The following PVT1 variants were observed in gnomAD, a reference collection of about 807,000 sequenced individuals.
PVT1 encodes the protein CXCR4/PVT1 fusion.
intron 4 of PVT1, among the ~76,000 whole-genome samples, chr8:128,063,865 G>T (rs1353498531): frequency 6.6e-6 from 1 of 152,180 alleles, no homozygotes; most frequent in African/African-American, 2.4e-5. Flanking sequence ...CCACAAAAAG[G>T]ATAACTACAT....
rs528829275 is a variant in PVT1 at position 127,824,562 on chromosome 8, TG to T, written n.372+28492del. Among the ~76,000 whole-genome samples the T allele has an allele frequency of 9.8e-5, 15 of 152,344 alleles. No individual in the cohort carries two copies. In the East Asian group the frequency reaches 2.9e-3, roughly 29 times the overall value. On this transcript the variant is annotated intron_variant and non_coding_transcript_variant, in intron 2 of 10. Coordinates refer to ENST00000651587, the Ensembl canonical transcript of PVT1. ...TTTTCTTTGTAGAAAATGTGGGAAA[TG>T]TTAAGAGTATAAGGAAGAAAATAAG... is the stretch of plus-strand genomic sequence containing the variant.
At chr8:127,927,523 C>T (rs1816144915) in intron 3 of PVT1, among the ~76,000 whole-genome samples, 1 of 152,200 alleles carries the variant, frequency 6.6e-6, no homozygotes, top group Non-Finnish European at 1.5e-5. Context: ...GAGTTCTTTC[C>T]ATCCTAGCAC....
intron 2 of PVT1, among the ~76,000 whole-genome samples, chr8:127,849,159 G>C (rs1347143648): frequency 1.3e-5 from 2 of 150,858 alleles, no homozygotes; most frequent in South Asian, 2.1e-4. Context: ...ACAAGGGAAG[G>C]GGGTTAGAGA....
At position 127,897,542 on chromosome 8, in the gene PVT1, G is replaced by GAGGAAAGAAAGA. The variant is rs774789439; in HGVS notation, n.782+6562_782+6573dup. Among the ~76,000 whole-genome samples the GAGGAAAGAAAGA allele has an allele frequency of 3.0e-4, 44 of 146,018 alleles. No individual in the cohort carries two copies. In the East Asian group the frequency reaches 8.3e-3, roughly 27 times the overall value. On this transcript the variant is annotated intron_variant and non_coding_transcript_variant, in intron 3 of 10. Coordinates refer to ENST00000651587, the Ensembl canonical transcript of PVT1. ...AGGAAAGAAAGAGGAAAGAAAGAAA[G>GAGGAAAGAAAGA]AGGAAAGAAAGAAGGAAAGAAAGAA...
intron 4 of PVT1, among the ~76,000 whole-genome samples, chr8:128,054,325 G>A (rs1036155568): frequency 1.6e-4 from 25 of 152,084 alleles, no homozygotes; most frequent in Admixed American, 5.2e-4. Context: ...TTTTCCCACA[G>A]TTGAAAGGAG....
chr8:128,006,882 T>G (rs1268004498), intron 4 of PVT1, among the ~76,000 whole-genome samples: 1 of 152,220 alleles, frequency 6.6e-6, no homozygotes, highest in African/African-American at 2.4e-5. Flanking sequence ...TTTACTGTTG[T>G]TTTTTGAGCA....
chr8:127,828,209 T>A (rs1814812736), intron 2 of PVT1, among the ~76,000 whole-genome samples: 1 of 152,178 alleles, frequency 6.6e-6, no homozygotes, highest in Admixed American at 6.5e-5. Context: ...CATTTCATTC[T>A]CAAAGTAGAT....
chr8:127,800,674 C>T (rs1342516743), intron 2 of PVT1, among the ~76,000 whole-genome samples: 1 of 152,090 alleles, frequency 6.6e-6, no homozygotes, highest in Admixed American at 6.5e-5. Context: ...TCTTCTCCCA[C>T]TAAATTGTAA....
chr8:127,849,169 A>G (rs1815075221), intron 2 of PVT1, among the ~76,000 whole-genome samples: 1 of 152,076 alleles, frequency 6.6e-6, no homozygotes, highest in African/African-American at 2.4e-5. Context: ...GGGGTTAGAG[A>G]GTAGGTGGCA....
intron 3 of PVT1, among the ~76,000 whole-genome samples, chr8:127,909,327 T>C (rs979252932): frequency 6.6e-6 from 1 of 152,164 alleles, no homozygotes; most frequent in African/African-American, 2.4e-5. Flanking sequence ...GAGCTCTCTC[T>C]CCCCAAATCA....
intron 3 of PVT1, among the ~76,000 whole-genome samples, chr8:127,958,301 G>A (rs752373704): frequency 4.0e-4 from 60 of 151,464 alleles, no homozygotes; most frequent in Non-Finnish European, 6.9e-4. Context: ...GTGCAGTGGC[G>A]CGATATCCAC....
chr8:127,797,768 T>C (rs915914785), intron 2 of PVT1, among the ~76,000 whole-genome samples: 1 of 152,210 alleles, frequency 6.6e-6, no homozygotes, highest in Admixed American at 6.5e-5. Flanking sequence ...CTAGCAATGG[T>C]AGACTTCTTG....
At chr8:128,094,174 G>A (rs942551565) in intron 5 of PVT1, among the ~76,000 whole-genome samples, 15 of 152,132 alleles carry the variant, frequency 9.9e-5, no homozygotes, top group African/African-American at 2.9e-4. Context: ...ACTATGATCC[G>A]CAAGTTAAAT....
intron 2 of PVT1, among the ~76,000 whole-genome samples, chr8:127,872,458 C>CA (rs1015500897): frequency 7.9e-5 from 12 of 152,182 alleles, no homozygotes; most frequent in Non-Finnish European, 1.5e-4. Context: ...TTGTTCGTAA[C>CA]ACAAAGAAAG....
At chr8:127,980,637 C>T (rs1420906315) in intron 3 of PVT1, among the ~76,000 whole-genome samples, 1 of 152,206 alleles carries the variant, frequency 6.6e-6, no homozygotes, top group African/African-American at 2.4e-5. Flanking sequence ...GACGTTTGAA[C>T]TCCCAGGAGC....
intron 3 of PVT1, among the ~76,000 whole-genome samples, chr8:127,909,689 G>T (rs1815868106): frequency 6.6e-6 from 1 of 152,124 alleles, no homozygotes; most frequent in Non-Finnish European, 1.5e-5. Flanking sequence ...TCTGGAGCAG[G>T]CATGGGGATG....
At chr8:127,940,721 C>T (rs1214168558) in intron 3 of PVT1, among the ~76,000 whole-genome samples, 1 of 152,096 alleles carries the variant, frequency 6.6e-6, no homozygotes, top group African/African-American at 2.4e-5. Flanking sequence ...CCACCTCAGC[C>T]TCCAGAGTAG....
At chr8:127,993,036 T>A (rs776217558) in intron 4 of PVT1, among the ~76,000 whole-genome samples, 2 of 152,226 alleles carry the variant, frequency 1.3e-5, no homozygotes, top group Non-Finnish European at 2.9e-5. Flanking sequence ...AGAAACATCT[T>A]CTCAAAACAC....
At chr8:128,095,463 C>T (rs1586517402) in intron 5 of PVT1, among the ~76,000 whole-genome samples, 1 of 152,166 alleles carries the variant, frequency 6.6e-6, no homozygotes, top group Non-Finnish European at 1.5e-5. Context: ...TCCTGGCACA[C>T]GATAGAATCT....
Sources: gnomAD v4.1 joint callset for allele counts (sites outside exome capture counted in the v4.1 genomes callset) on GRCh38, gnomAD v4.1.1 for gene constraint, MANE v1.5 for transcripts, NCBI Gene and HGNC (gene_info 2026-07-23, HGNC 2026-07-21) for gene names.